The following KLRC3 variants were observed in gnomAD, a reference collection of about 807,000 sequenced individuals.
KLRC3 encodes NKG2-E type II integral membrane protein.
Under a neutral mutation model 23.6 loss-of-function variants are expected in KLRC3, and 16 were observed. The observed-to-expected ratio is 0.68, with a 90% CI of 0.46 to 1.03. The LOEUF (loss-of-function observed/expected upper bound fraction) is 1.03, where lower values mean the gene tolerates loss of function less well. Among genes scored for constraint, KLRC3 ranks in the 50% least tolerant of loss-of-function variants. The pLI is 0.00. For synonymous variants in KLRC3, 70 were observed against 71.8 expected (o/e 0.98, Z 0.13); for missense variants, 209 against 232.2 (o/e 0.90, Z 0.65).
Position 10,412,419 on chromosome 12 carries a change from T to C in KLRC3, c.*153A>G. 1 of 636,660 alleles carries C rather than the reference T, an allele frequency of 1.6e-6. No individual in the cohort carries two copies. The highest frequency in any genetic ancestry group is 2.8e-6 in the Non-Finnish European group (1 of 359,712). The allele number at this position is 636,660 out of a possible 1,614,324, so 39.4% of individuals were successfully genotyped here. ...ATCAAACTATATAGAGAGGGAAAAG[T>C]AATTTTTAAAACATCATCTAGTTAA... On this transcript the variant is annotated 3_prime_UTR_variant, in exon 7 of 7. Coordinates refer to ENST00000396439, the MANE Select transcript of KLRC3 (RefSeq NM_002261.3).
Position 10,415,778 on chromosome 12 carries a change from G to T in KLRC3, c.604C>A (p.His202Asn). Residue 202 changes from histidine (H) to asparagine (N), a missense_variant, in exon 6 of 7, where the codon CAT becomes AAT. This residue lies in a region of KLRC3 where 74 missense variants were observed against 51.0 expected (regional missense o/e 1.45). Transcript: ENST00000396439. The stretch of plus-strand genomic sequence containing the variant: ...AGCATTGCACAGTTACGTTCAGCAT[G>T]ATCTGAGTCTTTTATCCTGTAATGG... Reference protein sequence around the residue: ...AFKHEIKDSDHAERNCAMLHV... With the variant: ...AFKHEIKDSDNAERNCAMLHV... The T allele has an allele frequency of 6.2e-7, 1 of 1,610,314 alleles. No homozygotes were observed. The highest frequency in any genetic ancestry group is 1.1e-5 in the South Asian group (1 of 90,370).
At chr12:10,418,557 T>C in intron 3 of KLRC3, 59 bp from the exon 4 acceptor site, 2 of 1,475,202 alleles carry the variant, frequency 1.4e-6, no homozygotes, top group Non-Finnish European at 1.9e-6. Flanking sequence ...TGAAAATTAG[T>C]TCACATATTT....
In KLRC3 at chr12:10,420,441, T is replaced by C. The variant is rs1234730503; in HGVS notation, c.110A>G (p.Glu37Gly). The C allele has an allele frequency of 1.9e-6, 3 of 1,613,660 alleles. No individual in the cohort carries two copies. In the South Asian group the frequency reaches 3.3e-5, roughly 18 times the overall value. Residue 37 changes from glutamate to glycine, a missense_variant, in exon 1 of 7, where the codon GAA becomes GGA. Coordinates refer to ENST00000396439, the MANE Select transcript of KLRC3 (RefSeq NM_002261.3). ...NKSSISGTEQ[E>G]IFQVELNLQN... The stretch of plus-strand genomic sequence containing the variant: ...AAGGTTTAATTCTACTTGGAATATT[T>C]CCTGTTCGGTTCCTGAAATGGAGCT...
intron 6 of KLRC3, among the ~76,000 whole-genome samples, chr12:10,415,150 C>A (rs889631056): frequency 1.3e-5 from 2 of 152,090 alleles, no homozygotes; most frequent in Admixed American, 1.3e-4. Flanking sequence ...CAAGCAATCC[C>A]AGGACAGTAT....
At chr12:10,413,984 A>G (rs1437737321) in intron 6 of KLRC3, among the ~76,000 whole-genome samples, 1 of 152,074 alleles carries the variant, frequency 6.6e-6, no homozygotes, top group African/African-American at 2.4e-5. Context: ...CTAAAGCAGT[A>G]CTCTTAACAA....
intron 6 of KLRC3, among the ~76,000 whole-genome samples, chr12:10,414,870 G>T (rs573356029): frequency 1.3e-5 from 2 of 151,994 alleles, no homozygotes; most frequent in African/African-American, 4.8e-5. Context: ...TGTAAAATAA[G>T]TGAAAATGCA....
intron 5 of KLRC3, among the ~76,000 whole-genome samples, chr12:10,416,406 ACT>A (rs1283357097): frequency 3.9e-5 from 6 of 152,042 alleles, no homozygotes; most frequent in Non-Finnish European, 7.4e-5. Flanking sequence ...GTGGCCCAAG[ACT>A]CTTCTTCTTC....
At chr12:10,417,970 G>C (rs757439831) in intron 4 of KLRC3, among the ~76,000 whole-genome samples, 1 of 152,098 alleles carries the variant, frequency 6.6e-6, no homozygotes, top group Non-Finnish European at 1.5e-5. Context: ...TAAGTGATGA[G>C]GGCATACACA....
chr12:10,417,914 T>C lies in KLRC3; in HGVS notation c.486+430A>G, dbSNP rs893887481. ...TAAATTCAAGAACAGGCAAACCTTA[T>C]TTATAACTTCAAAAGTCAAGACAGT... On this transcript the variant is annotated intron_variant, in intron 4 of 6. Transcript: ENST00000396439. 7.9e-4 allele frequency among the ~76,000 whole-genome samples: 120 copies of C among 152,216 alleles called. 1 individual carries two copies. The highest frequency in any genetic ancestry group is 2.8e-3 in the African/African-American group (117 of 41,454).
At position 10,412,594 on chromosome 12, in the gene KLRC3, G is replaced by A. The variant is rs752450115; in HGVS notation, c.701C>T (p.Thr234Ile). 5 of 701,132 alleles carry A rather than the reference G, an allele frequency of 7.1e-6. No individual in the cohort carries two copies. Among genetic ancestry groups the A allele is most frequent in the South Asian group, 5.9e-5 (4 of 67,452 alleles). 43.4% of individuals were successfully genotyped at this position (701,132 alleles called of 1,614,324 possible). The change falls in exon 7 of 7, where the codon ACC becomes ATC. Residue 234 changes from threonine to isoleucine, a missense_variant. Around this residue, in one of 4 missense-constraint regions of KLRC3, gnomAD observed 74 missense variants for 51.0 expected, o/e 1.45. Transcript: ENST00000396439. ...AGCTCAGGAGTTCAAGACCAGCCTGGTCAACATGATGAAACCCCGTCTCTA... is the reference window on the plus strand; with the variant it reads ...AGCTCAGGAGTTCAAGACCAGCCTGATCAACATGATGAAACCCCGTCTCTA... ...RIIRRGFIML[T>I]RLVLNS
At chr12:10,415,520 G>A (rs1180502363) in intron 6 of KLRC3, 184 bp downstream of exon 6, 17 of 998,662 alleles carry the variant, frequency 1.7e-5, no homozygotes, top group Non-Finnish European at 2.3e-5. Context: ...GAGGGTATCT[G>A]TACTTCCGTA....
At position 10,415,790 on chromosome 12, in the gene KLRC3, T is replaced by G; in HGVS notation, c.592A>C (p.Lys198Gln). The part of the protein sequence containing the change: ...INGLAFKHEI[K>Q]DSDHAERNCA... Reference sequence around the variant, plus strand: ...TTACGTTCAGCATGATCTGAGTCTTTTATCCTGTAATGGAGAAAAATCCAT... The same window carrying G: ...TTACGTTCAGCATGATCTGAGTCTTGTATCCTGTAATGGAGAAAAATCCAT... Residue 198 changes from lysine (K) to glutamine (Q), a missense_variant, in exon 6 of 7, where the codon AAA (lysine) becomes CAA (glutamine). Physicochemically the swap from Lys to Gln is moderately conservative, Grantham distance 53 (BLOSUM62 1). Around this residue, in one of 4 missense-constraint regions of KLRC3, gnomAD observed 74 missense variants for 51.0 expected, o/e 1.45. Coordinates refer to ENST00000396439, the MANE Select transcript of KLRC3 (RefSeq NM_002261.3). The G allele has an allele frequency of 6.2e-7, 1 of 1,608,896 alleles. No individual in the cohort carries two copies. Among genetic ancestry groups the G allele is most frequent in the Non-Finnish European group, 8.5e-7 (1 of 1,176,870 alleles).
Position 10,418,508 on chromosome 12 carries a change from A to T in KLRC3, c.332-10T>A. Reference sequence around the variant, plus strand: ...TGGCCACAATGACGTGCTAATAAAGATATGAATTACTATCTAGACCAATAT... The same window carrying T: ...TGGCCACAATGACGTGCTAATAAAGTTATGAATTACTATCTAGACCAATAT... On this transcript the variant is annotated splice_polypyrimidine_tract_variant and intron_variant, in intron 3 of 6. Transcript: ENST00000396439. The T allele has an allele frequency of 6.4e-7, 1 of 1,554,708 alleles. No homozygotes were observed. Among genetic ancestry groups the T allele is most frequent in the Non-Finnish European group, 8.8e-7 (1 of 1,133,340 alleles).
In KLRC3 at chr12:10,419,929, C is replaced by T. The variant is rs1863696768; in HGVS notation, c.223G>A (p.Val75Ile). Residue 75 changes from valine to isoleucine, a missense_variant, in exon 2 of 7, where the codon GTC becomes ATC. Val to Ile is a conservative substitution (Grantham distance 29). Coordinates refer to ENST00000396439, the MANE Select transcript of KLRC3 (RefSeq NM_002261.3). ...AGGACAATGCAAATGATTCCTAGGA[C>T]CTCGGCAGTGAGCTTTTCTGGAGGT... Reference protein sequence around the residue: ...LPPPEKLTAEVLGIICIVLMA... With the variant: ...LPPPEKLTAEILGIICIVLMA... 1.9e-6 allele frequency: 1 copy of T among 534,312 alleles called. No individual in the cohort carries two copies. The highest frequency in any genetic ancestry group is 3.3e-6 in the Non-Finnish European group (1 of 307,108). 33.1% of individuals were successfully genotyped at this position (534,312 alleles called of 1,614,324 possible).
chr12:10,417,580 C>T (rs35029860), intron 4 of KLRC3, among the ~76,000 whole-genome samples: 11 of 152,128 alleles, frequency 7.2e-5, no homozygotes, highest in African/African-American at 2.2e-4. Context: ...GCCACCAATA[C>T]GGAGCTAGAG....
At chr12:10,417,842 G>C (rs932223796) in intron 4 of KLRC3, among the ~76,000 whole-genome samples, 2 of 152,184 alleles carry the variant, frequency 1.3e-5, no homozygotes. Context: ...TCAGATAGGA[G>C]TGAAAAAGAC....
intron 6 of KLRC3, among the ~76,000 whole-genome samples, chr12:10,415,185 T>C (rs1006715333): frequency 1.3e-5 from 2 of 152,198 alleles, no homozygotes; most frequent in African/African-American, 2.4e-5. Context: ...GACAGCTTCA[T>C]TGAGGTACGG....
At chr12:10,413,483 A>G (rs1863599898) in intron 6 of KLRC3, among the ~76,000 whole-genome samples, 1 of 152,234 alleles carries the variant, frequency 6.6e-6, no homozygotes, top group Non-Finnish European at 1.5e-5. Context: ...GCTCATTACC[A>G]AAATATAGTA....
At position 10,418,619 on chromosome 12, in the gene KLRC3, T is replaced by C. The variant is rs968312581; in HGVS notation, c.332-121A>G. The C allele has an allele frequency of 1.0e-5, 12 of 1,172,372 alleles. No homozygotes were observed. The Admixed American group carries it at 1.2e-4, about 12-fold the overall frequency. 72.6% of individuals were successfully genotyped at this position (1,172,372 alleles called of 1,614,324 possible). On this transcript the variant is annotated intron_variant, in intron 3 of 6. Transcript: ENST00000396439. ...AACATATTTATGCATCCTTACAGGCTTATAAGTATATATTTTTTAATAACT... is the reference window on the plus strand; with the variant it reads ...AACATATTTATGCATCCTTACAGGCCTATAAGTATATATTTTTTAATAACT...
Sources: allele counts gnomAD v4.1 joint callset (sites outside exome capture counted in the v4.1 genomes callset), GRCh38; gene constraint gnomAD v4.1.1; regional missense constraint gnomAD v4.1.1; transcripts MANE v1.5; gene names NCBI Gene and HGNC (gene_info 2026-07-23, HGNC 2026-07-21).